RXFP1: variants seen among roughly 807,000 people sequenced by gnomAD.
RXFP1 encodes relaxin family peptide receptor 1.
A neutral mutation model predicts 89.8 loss-of-function variants in RXFP1; 73 were observed. The observed-to-expected ratio is 0.81, with a 90% CI of 0.67 to 0.99. The LOEUF (loss-of-function observed/expected upper bound fraction) is 0.99. RXFP1 is among the 50% of genes least tolerant of loss of function. RXFP1 has a pLI of 0.00. For synonymous variants in RXFP1, 277 were observed against 305.5 expected (o/e 0.91, Z 0.97); for missense variants, 793 against 895.5 (o/e 0.89, Z 1.46).
chr4:158,529,826 T>C (rs568883193), intron 1 of RXFP1, among the ~76,000 whole-genome samples: 54 of 152,332 alleles, frequency 3.5e-4, no homozygotes, highest in Admixed American at 1.4e-3. Flanking sequence ...CCTGTCTTGG[T>C]CCCAAATCTT....
Position 158,652,136 on chromosome 4 carries a change from C to A in RXFP1, c.*81C>A. 3.6e-6 allele frequency: 4 copies of A among 1,119,300 alleles called. No homozygotes were observed. The highest frequency in any genetic ancestry group is 5.0e-6 in the Non-Finnish European group (4 of 801,170). 69.3% of individuals were successfully genotyped at this position (1,119,300 alleles called of 1,614,324 possible). ...ATTTACTGGTATGAAATGAATACCA[C>A]AAAATTAATTTATAATAATAGCTAA... is the stretch of plus-strand genomic sequence containing the variant. On this transcript the variant is annotated 3_prime_UTR_variant, in exon 18 of 18. Transcript: ENST00000307765.
chr4:158,590,920 G>A (rs1396197336), intron 2 of RXFP1, among the ~76,000 whole-genome samples: 2 of 152,178 alleles, frequency 1.3e-5, no homozygotes, highest in Non-Finnish European at 2.9e-5. Context: ...ATACACCACT[G>A]TATAGTTGCA....
At chr4:158,571,031 A>C (rs1005946546) in intron 1 of RXFP1, among the ~76,000 whole-genome samples, 4 of 152,126 alleles carry the variant, frequency 2.6e-5, no homozygotes, top group Non-Finnish European at 5.9e-5. Context: ...CTTAAATGAC[A>C]CCATTTTACA....
Position 158,652,200 on chromosome 4 carries a change from G to T in RXFP1, c.*145G>T. On this transcript the variant is annotated 3_prime_UTR_variant, in exon 18 of 18. Transcript: ENST00000307765. The stretch of plus-strand genomic sequence containing the variant: ...CAAGGACATGAGGAAAAATAAAAAT[G>T]ACTAATGCTCTTACAAAGGGAAGTA... 1.6e-6 allele frequency: 1 copy of T among 621,292 alleles called. No homozygotes were observed. Among genetic ancestry groups the T allele is most frequent in the South Asian group, 2.8e-5 (1 of 35,344 alleles). The allele number at this position is 621,292 out of a possible 1,614,324, so 38.5% of individuals were successfully genotyped here.
intron 12 of RXFP1, among the ~76,000 whole-genome samples, chr4:158,635,041 G>A (rs1435464316): frequency 6.6e-6 from 1 of 151,858 alleles, no homozygotes; most frequent in Non-Finnish European, 1.5e-5. Context: ...ATTTTAGGAT[G>A]GATTTTCATA....
At chr4:158,544,004 G>T in intron 1 of RXFP1, 2 of 985,294 alleles carry the variant, frequency 2.0e-6, no homozygotes, top group Non-Finnish European at 2.4e-6. Context: ...CCCCTACCTT[G>T]GGCATTTAAA....
intron 9 of RXFP1, among the ~76,000 whole-genome samples, chr4:158,625,229 G>C (rs188328905): frequency 1.9e-4 from 29 of 152,222 alleles, no homozygotes; most frequent in African/African-American, 5.3e-4. Flanking sequence ...TAAGTGATTA[G>C]CTTCCAACTT....
At chr4:158,563,344 A>T (rs1285706096) in intron 1 of RXFP1, among the ~76,000 whole-genome samples, 1 of 152,190 alleles carries the variant, frequency 6.6e-6, no homozygotes, top group African/African-American at 2.4e-5. Flanking sequence ...ATTTAAAAAG[A>T]AGTAGAAGTG....
intron 5 of RXFP1, 143 bp downstream of exon 5, chr4:158,605,282 G>T: frequency 2.2e-6 from 1 of 460,970 alleles, no homozygotes; most frequent in Non-Finnish European, 4.0e-6. Flanking sequence ...GTTAACTGAA[G>T]ACTTCCAGGT....
At chr4:158,522,384 G>C (rs1178266597) in intron 1 of RXFP1, among the ~76,000 whole-genome samples, 1 of 152,168 alleles carries the variant, frequency 6.6e-6, no homozygotes, top group Non-Finnish European at 1.5e-5. Context: ...TCTCACATTT[G>C]TGCCAGTTTC....
At chr4:158,641,871 G>A (rs1307324649) in intron 14 of RXFP1, among the ~76,000 whole-genome samples, 1 of 152,132 alleles carries the variant, frequency 6.6e-6, no homozygotes, top group Non-Finnish European at 1.5e-5. Flanking sequence ...GAATTCATTT[G>A]AGAACTTATT....
intron 2 of RXFP1, among the ~76,000 whole-genome samples, chr4:158,583,469 T>C (rs1039252910): frequency 6.6e-6 from 1 of 152,208 alleles, no homozygotes; most frequent in African/African-American, 2.4e-5. Context: ...TATCAAAATA[T>C]CTTATATGCC....
rs1168279601 is a variant in RXFP1, at chr4:158,522,008, T to C, written c.32T>C (p.Leu11Ser). The change falls in exon 1 of 18, where the codon TTA (leucine) becomes TCA (serine). Residue 11 changes from leucine to serine, a missense_variant. Physicochemically the swap from Leu to Ser is moderately radical, Grantham distance 145. Transcript: ENST00000307765. The stretch of plus-strand genomic sequence containing the variant: ...TCTGGTTCTGTCTTCTTCTACATCT[T>C]AATTTTTGGAAAATATTGTAAGTAT... MTSGSVFFYILIFGKYFSHGG... is the reference protein window; with the variant it reads MTSGSVFFYISIFGKYFSHGG... 1.2e-6 allele frequency: 2 copies of C among 1,602,602 alleles called. No homozygotes were observed. The highest frequency in any genetic ancestry group is 2.7e-5 in the African/African-American group (2 of 74,804).
chr4:158,542,079 C>CTATATATATATATATA (rs1553993932), intron 1 of RXFP1, among the ~76,000 whole-genome samples: 5 of 29,814 alleles, frequency 1.7e-4, no homozygotes, highest in African/African-American at 3.7e-4. Context: ...GCCACCATGG[C>CTATATATATATATATA]TATATATATA....
chr4:158,544,899 A>C (rs1227545671), intron 1 of RXFP1, among the ~76,000 whole-genome samples: 1 of 152,188 alleles, frequency 6.6e-6, no homozygotes, highest in African/African-American at 2.4e-5. Context: ...ATAGTGCCGC[A>C]ATAAACATAC....
chr4:158,530,443 T>G (rs1293274067), intron 1 of RXFP1, among the ~76,000 whole-genome samples: 1 of 152,188 alleles, frequency 6.6e-6, no homozygotes, highest in Non-Finnish European at 1.5e-5. Context: ...TTTTAATGGT[T>G]TTTTCCCAGA....
chr4:158,622,945 G>A (rs571967625), intron 9 of RXFP1, among the ~76,000 whole-genome samples: 5 of 152,188 alleles, frequency 3.3e-5, no homozygotes, highest in Admixed American at 2.6e-4. Context: ...ACTGTATATC[G>A]AAACAGGCTA....
intron 1 of RXFP1, chr4:158,544,369 G>C (rs930679652): frequency 2.0e-6 from 2 of 984,924 alleles, no homozygotes; most frequent in African/African-American, 1.7e-5. Context: ...TTTCAAAAGA[G>C]GGACAGATCA....
rs369459362 is a variant in RXFP1, at chr4:158,522,147, A to G, written c.49+122A>G. On this transcript the variant is annotated intron_variant, in intron 1 of 17. Transcript: ENST00000307765. The stretch of plus-strand genomic sequence containing the variant: ...AAATGCACTTGCTGATAAAATTGTA[A>G]TCTCACTTCAGAATTGTTCTTCTTA... The G allele has an allele frequency of 5.0e-4, 305 of 608,808 alleles. 1 individual carries two copies. The highest frequency in any genetic ancestry group is 2.3e-3 in the East Asian group (80 of 34,202). 37.7% of individuals were successfully genotyped at this position (608,808 alleles called of 1,614,324 possible).
Sources: allele counts gnomAD v4.1 joint callset (sites outside exome capture counted in the v4.1 genomes callset), GRCh38; gene constraint gnomAD v4.1.1; transcripts MANE v1.5; gene names NCBI Gene and HGNC (gene_info 2026-07-23, HGNC 2026-07-21).